The following AGAP1 variants were observed in gnomAD, a reference collection of about 807,000 sequenced individuals.
AGAP1 encodes the protein ArfGAP with GTPase domain, ankyrin repeat and PH domain 1.
A neutral mutation model predicts 105.3 loss-of-function variants in AGAP1; 29 were observed. That is an observed-to-expected ratio of 0.28 (90% CI 0.21 to 0.38). The LOEUF is 0.38. Ranked by LOEUF, AGAP1 falls within the 10% of genes least tolerant of loss-of-function variation. The pLI, the probability that AGAP1 is intolerant of heterozygous loss-of-function variation, is 1.00. For missense variants in AGAP1, 998 were observed against 1,165.1 expected (o/e 0.86, Z 2.09); for synonymous variants, 509 against 485.9 (o/e 1.05, Z -0.63).
chr2:235,525,606 GGAGGACTGATTTATAAAGTA>G (rs1337854755), intron 1 of AGAP1, among the ~76,000 whole-genome samples: 153 of 148,876 alleles, frequency 1.0e-3, no homozygotes, highest in Non-Finnish European at 1.7e-3. Context: ...CACATAATGT[GGAGGACTGATTTATAAAGTA>G]GAGGACTGAT....
intron 9 of AGAP1, among the ~76,000 whole-genome samples, chr2:235,858,930 T>TG (rs1487880103): frequency 1.3e-5 from 2 of 152,226 alleles, no homozygotes; most frequent in African/African-American, 2.4e-5. Context: ...TCTAAAATTC[T>TG]GGCTACAAAA....
At chr2:235,899,070 G>C (rs2050939975) in intron 10 of AGAP1, among the ~76,000 whole-genome samples, 1 of 152,194 alleles carries the variant, frequency 6.6e-6, no homozygotes, top group Non-Finnish European at 1.5e-5. Context: ...TAGGTGGAAA[G>C]TTTAAAAATT....
At chr2:235,997,894 T>C (rs1168482209) in intron 13 of AGAP1, among the ~76,000 whole-genome samples, 1 of 152,128 alleles carries the variant, frequency 6.6e-6, no homozygotes, top group Non-Finnish European at 1.5e-5. Flanking sequence ...CACAGTCGTC[T>C]TCCACGTAGC....
At chr2:235,949,302 G>A (rs566482458) in intron 12 of AGAP1, among the ~76,000 whole-genome samples, 25 of 152,278 alleles carry the variant, frequency 1.6e-4, no homozygotes, top group African/African-American at 5.8e-4. Flanking sequence ...CGGATTTTTG[G>A]ATTAGGGATA....
At chr2:235,819,904 C>CTTTTTT (rs1179307250) in intron 9 of AGAP1, among the ~76,000 whole-genome samples, 1 of 130,272 alleles carries the variant, frequency 7.7e-6, no homozygotes, top group Non-Finnish European at 1.6e-5. Flanking sequence ...TTCTTTCTTT[C>CTTTTTT]TTTTTTTTTT....
At chr2:235,952,897 G>A (rs2053798415) in intron 12 of AGAP1, among the ~76,000 whole-genome samples, 1 of 152,184 alleles carries the variant, frequency 6.6e-6, no homozygotes, top group South Asian at 2.1e-4. Context: ...CCTCAAAGCT[G>A]CCCTATGGGC....
rs1238410345 is a variant in AGAP1, at chr2:235,965,465, A to C, written c.1484-2997A>C. 6.6e-6 allele frequency among the ~76,000 whole-genome samples: 1 copy of C among 152,202 alleles called. No homozygotes were observed. The highest frequency in any genetic ancestry group is 2.4e-5 in the African/African-American group (1 of 41,456). ...GAAGGAAGCCAGACTTCAAGGAGTC[A>C]GGAAGAAACACAGTGGATTTAAACC... On this transcript the variant is annotated intron_variant, in intron 12 of 17. Transcript: ENST00000304032. This position sits in a 1 kb window ranked among gnomAD's most constrained non-coding sequence, Gnocchi z 5.8.
At position 235,716,877 on chromosome 2, in the gene AGAP1, C is replaced by G. The variant is rs1951135334; in HGVS notation, c.223-680C>G. On this transcript the variant is annotated intron_variant, in intron 2 of 17. Coordinates refer to ENST00000304032, the MANE Select transcript of AGAP1 (RefSeq NM_001037131.3). The surrounding 1 kb of genome is among the most constrained non-coding windows in gnomAD (Gnocchi z 4.0). ...TGCTAGGACAGAGGCCCTCATGTCACCCTCCCTCCTGAGGGTCGCCTTCTA... is the reference window on the plus strand; with the variant it reads ...TGCTAGGACAGAGGCCCTCATGTCAGCCTCCCTCCTGAGGGTCGCCTTCTA... Among the ~76,000 whole-genome samples, 1 of 152,060 alleles carries G rather than the reference C, an allele frequency of 6.6e-6. No individual in the cohort carries two copies. Among genetic ancestry groups the G allele is most frequent in the Non-Finnish European group, 1.5e-5 (1 of 68,010 alleles).
At chr2:235,512,011 TGTGA>T (rs1324682142) in intron 1 of AGAP1, among the ~76,000 whole-genome samples, 1 of 44,850 alleles carries the variant, frequency 2.2e-5, no homozygotes, top group African/African-American at 8.0e-5. Flanking sequence ...TGTGTGACTG[TGTGA>T]ATGTGTGAGG....
At chr2:235,859,341 C>G (rs1420263538) in intron 9 of AGAP1, among the ~76,000 whole-genome samples, 1 of 149,964 alleles carries the variant, frequency 6.7e-6, no homozygotes, top group Non-Finnish European at 1.5e-5. Context: ...ATGGCCATTA[C>G]TGGCCCGGTG....
intron 1 of AGAP1, among the ~76,000 whole-genome samples, chr2:235,541,185 A>C (rs1295555070): frequency 6.6e-6 from 1 of 152,134 alleles, no homozygotes; most frequent in Non-Finnish European, 1.5e-5. Context: ...TTTGCCTCAC[A>C]CAAACAAGAA....
At chr2:235,673,574 T>G (rs1196840855) in intron 1 of AGAP1, among the ~76,000 whole-genome samples, 1 of 152,204 alleles carries the variant, frequency 6.6e-6, no homozygotes, top group African/African-American at 2.4e-5. Flanking sequence ...TGATTAAAAA[T>G]AGCCTCGTGC....
At chr2:235,505,219 T>C (rs1470686180) in intron 1 of AGAP1, among the ~76,000 whole-genome samples, 1 of 152,244 alleles carries the variant, frequency 6.6e-6, no homozygotes, top group African/African-American at 2.4e-5. Flanking sequence ...GTAGCAATTA[T>C]GCTGAAGACA....
At chr2:235,868,410 G>A (rs2049284616) in intron 9 of AGAP1, among the ~76,000 whole-genome samples, 1 of 152,164 alleles carries the variant, frequency 6.6e-6, no homozygotes, top group East Asian at 1.9e-4. Context: ...AGCCGATGAG[G>A]AATGCTGCCC....
rs190233406 is a variant in AGAP1 at position 235,669,436 on chromosome 2, T to G, written c.164-39743T>G. ...GCAGGCTGGTGCTGGGCTGGGCCCC[T>G]CGGAGGCTCCGGTCCGCGCTGCGTC... is the stretch of plus-strand genomic sequence containing the variant. On this transcript the variant is annotated intron_variant, in intron 1 of 17. Coordinates refer to ENST00000304032, the MANE Select transcript of AGAP1 (RefSeq NM_001037131.3). Among the ~76,000 whole-genome samples the G allele has an allele frequency of 8.5e-4, 129 of 151,842 alleles. 2 individuals carry two copies. The highest frequency in any genetic ancestry group is 2.9e-3 in the African/African-American group (121 of 41,516).
chr2:236,105,457 C>G lies in AGAP1; in HGVS notation c.2115-14735C>G, dbSNP rs2059459251. Among the ~76,000 whole-genome samples, 2 of 151,588 alleles carry G rather than the reference C, an allele frequency of 1.3e-5. No individual in the cohort carries two copies. Among genetic ancestry groups the G allele is most frequent in the East Asian group, 2.0e-4 (1 of 5,128 alleles). On this transcript the variant is annotated intron_variant, in intron 16 of 17. Transcript: ENST00000304032. The surrounding 1 kb of genome is among the most constrained non-coding windows in gnomAD (Gnocchi z 4.2). ...TCCAAGGTCAAGGTGTTGGCTGATT[C>G]ATTTCTGGTGAGGGGCCTCTTCCTG...
rs563385757 is a variant in AGAP1 at position 235,620,972 on chromosome 2, G to T, written c.164-88207G>T. ...TCAGGAGCCAGGGGGCTGCATCTGC[G>T]TGTTGGCTCTGCTGCTGAAGTGGCT... On this transcript the variant is annotated intron_variant, in intron 1 of 17. Transcript: ENST00000304032. The surrounding 1 kb of genome is among the most constrained non-coding windows in gnomAD (Gnocchi z 4.5). Among the ~76,000 whole-genome samples, 2 of 152,182 alleles carry T rather than the reference G, an allele frequency of 1.3e-5. No homozygotes were observed. The highest frequency in any genetic ancestry group is 2.9e-5 in the Non-Finnish European group (2 of 68,036).
rs375273012 is a variant in AGAP1, at chr2:235,551,311, AT to A, written c.163+56473del. Among the ~76,000 whole-genome samples the A allele has an allele frequency of 0.059, 8,704 of 147,504 alleles. 765 individuals are homozygous for A. Among genetic ancestry groups the A allele is most frequent in the African/African-American group, 0.2 (7,929 of 40,634 alleles). Reference sequence around the variant, plus strand: ...GGGTGAGGAGAGAGGGGCTAGACAGATTTTTTTTTTTGAGACAAGGTCTCAC... The same window carrying A: ...GGGTGAGGAGAGAGGGGCTAGACAGATTTTTTTTTTGAGACAAGGTCTCAC... On this transcript the variant is annotated intron_variant, in intron 1 of 17. Coordinates refer to ENST00000304032, the MANE Select transcript of AGAP1 (RefSeq NM_001037131.3). This position sits in a 1 kb window ranked among gnomAD's most constrained non-coding sequence, Gnocchi z 4.8.
rs1418637880 is a variant in AGAP1, at chr2:235,663,189, A to G, written c.164-45990A>G. On this transcript the variant is annotated intron_variant, in intron 1 of 17. Coordinates refer to ENST00000304032, the MANE Select transcript of AGAP1 (RefSeq NM_001037131.3). This position sits in a 1 kb window ranked among gnomAD's most constrained non-coding sequence, Gnocchi z 5.4. The stretch of plus-strand genomic sequence containing the variant: ...CTGGGCATGGTGGTGGGCGCCTGTG[A>G]TCCCATCTACTTGGGAGGCTGAGGC... Among the ~76,000 whole-genome samples, 1 of 152,204 alleles carries G rather than the reference A, an allele frequency of 6.6e-6. No individual in the cohort carries two copies. Among genetic ancestry groups the G allele is most frequent in the East Asian group, 1.9e-4 (1 of 5,174 alleles).
Sources: allele counts gnomAD v4.1 joint callset (sites outside exome capture counted in the v4.1 genomes callset), GRCh38; gene constraint gnomAD v4.1.1; non-coding constraint Gnocchi (gnomAD v3.1); transcripts MANE v1.5; gene names NCBI Gene and HGNC (gene_info 2026-07-23, HGNC 2026-07-21).